ATP6V1H: variants seen among roughly 807,000 people sequenced by gnomAD.
ATP6V1H encodes the protein ATPase H+ transporting V1 subunit H.
A neutral mutation model predicts 71.7 loss-of-function variants in ATP6V1H; 39 were observed. The observed-to-expected ratio is 0.54, with a 90% CI of 0.42 to 0.71. The LOEUF is 0.71. ATP6V1H is among the 30% of genes least tolerant of loss of function. The pLI, the probability that ATP6V1H is intolerant of heterozygous loss-of-function variation, is 0.00. For missense variants in ATP6V1H, 509 were observed against 594.9 expected (o/e 0.86, Z 1.50); for synonymous variants, 192 against 199.3 (o/e 0.96, Z 0.31).
intron 12 of ATP6V1H, among the ~76,000 whole-genome samples, chr8:53,750,041 T>C (rs1807739008): frequency 1.3e-5 from 2 of 152,236 alleles, no homozygotes; most frequent in South Asian, 4.1e-4. Context: ...TAATGCTAAA[T>C]TGTGTTTGAT....
chr8:53,805,813 AAAG>A (rs1674958097), intron 7 of ATP6V1H, among the ~76,000 whole-genome samples: 2 of 152,352 alleles, frequency 1.3e-5, no homozygotes, highest in South Asian at 4.1e-4. Flanking sequence ...TTGCAATGAA[AAAG>A]AATTACTGCT....
intron 9 of ATP6V1H, among the ~76,000 whole-genome samples, chr8:53,794,737 A>G (rs942175388): frequency 3.9e-5 from 6 of 152,194 alleles, no homozygotes; most frequent in Admixed American, 2.6e-4. Context: ...CAGATTCTAC[A>G]GCCAACATTC....
At chr8:53,729,117 G>A (rs939234729) in intron 13 of ATP6V1H, among the ~76,000 whole-genome samples, 4 of 152,212 alleles carry the variant, frequency 2.6e-5, no homozygotes, top group African/African-American at 9.6e-5. Flanking sequence ...GGCCAGAGCA[G>A]CTGCCCTCCT....
chr8:53,726,171 C>T (rs373757932), intron 13 of ATP6V1H, among the ~76,000 whole-genome samples: 2 of 152,174 alleles, frequency 1.3e-5, no homozygotes, highest in African/African-American at 4.8e-5. Flanking sequence ...CAGTAAACTG[C>T]TGTATAGACA....
At chr8:53,813,961 T>C (rs544777505) in intron 6 of ATP6V1H, among the ~76,000 whole-genome samples, 93 of 152,140 alleles carry the variant, frequency 6.1e-4, no homozygotes, top group Admixed American at 2.0e-3. Context: ...CTGGACCAGG[T>C]AGCTCCAGGC....
At chr8:53,790,924 T>G (rs1162110718) in intron 9 of ATP6V1H, among the ~76,000 whole-genome samples, 7 of 152,222 alleles carry the variant, frequency 4.6e-5, no homozygotes, top group Non-Finnish European at 1.0e-4. Context: ...TATTTTTCTA[T>G]TGTATCTTTT....
intron 12 of ATP6V1H, among the ~76,000 whole-genome samples, chr8:53,750,626 T>C (rs1807758023): frequency 6.6e-6 from 1 of 152,176 alleles, no homozygotes; most frequent in African/African-American, 2.4e-5. Flanking sequence ...ATTTTTGTTA[T>C]AAAATGTTGT....
chr8:53,822,532 A>G (rs993132882), intron 4 of ATP6V1H, among the ~76,000 whole-genome samples: 137 of 152,328 alleles, frequency 9.0e-4, no homozygotes, highest in African/African-American at 3.0e-3. Flanking sequence ...GATAACCAAC[A>G]GAACAGACAG....
intron 4 of ATP6V1H, among the ~76,000 whole-genome samples, chr8:53,825,930 C>T (rs1459870685): frequency 6.6e-6 from 1 of 151,860 alleles, no homozygotes; most frequent in Non-Finnish European, 1.5e-5. Flanking sequence ...AATTGTTTTA[C>T]CCTGTGAAAA....
intron 4 of ATP6V1H, among the ~76,000 whole-genome samples, chr8:53,824,481 GAA>G (rs1238023441): frequency 1.3e-5 from 2 of 152,058 alleles, no homozygotes; most frequent in Non-Finnish European, 2.9e-5. Context: ...CTACATAACA[GAA>G]AAGAGAATTC....
intron 2 of ATP6V1H, among the ~76,000 whole-genome samples, chr8:53,840,428 G>A (rs1811307607): frequency 6.6e-6 from 1 of 151,910 alleles, no homozygotes; most frequent in African/African-American, 2.4e-5. Context: ...AACCCGGGAG[G>A]CGGAGGATGC....
intron 9 of ATP6V1H, among the ~76,000 whole-genome samples, chr8:53,790,596 G>A (rs1322347758): frequency 3.9e-5 from 6 of 152,182 alleles, no homozygotes; most frequent in African/African-American, 1.4e-4. Flanking sequence ...AGCACGGAGA[G>A]GCTAAGCAAC....
At chr8:53,723,821 C>T (rs2130092102) in intron 13 of ATP6V1H, among the ~76,000 whole-genome samples, 1 of 152,336 alleles carries the variant, frequency 6.6e-6, no homozygotes, top group African/African-American at 2.4e-5. Flanking sequence ...CTTGCTGCCT[C>T]ACCGTGGGAT....
In ATP6V1H at chr8:53,771,837, C is replaced by G. The variant is rs185484920; in HGVS notation, c.1049+152G>C. ...CAGTTCTGACCAATTGTTGCCATGTCAGAATGATGTCTTCTCAGGAGACAT... is the reference window on the plus strand; with the variant it reads ...CAGTTCTGACCAATTGTTGCCATGTGAGAATGATGTCTTCTCAGGAGACAT... On this transcript the variant is annotated intron_variant, in intron 10 of 13. Coordinates refer to ENST00000359530, the MANE Select transcript of ATP6V1H (RefSeq NM_015941.4). 1.8e-4 allele frequency: 117 copies of G among 650,114 alleles called. No homozygotes were observed. In the Middle Eastern group the frequency reaches 2.2e-3, roughly 12 times the overall value. 40.3% of individuals were successfully genotyped at this position (650,114 alleles called of 1,614,324 possible). A position where few individuals can be genotyped will look rare whatever the true frequency, so the allele number is the denominator to read the frequency against.
At chr8:53,837,448 T>G (rs920264471) in intron 2 of ATP6V1H, among the ~76,000 whole-genome samples, 3 of 150,832 alleles carry the variant, frequency 2.0e-5, no homozygotes, top group African/African-American at 7.3e-5. Context: ...CAAATAATCT[T>G]GAAAACACAC....
At position 53,772,034 on chromosome 8, in the gene ATP6V1H, A is replaced by G. The variant is rs750477369; in HGVS notation, c.1004T>C (p.Ile335Thr). ...TCCAAGTTTTTCCAAAAGAAATTTGATATCTTCGCTGATATCTTCATCATC... is the reference window on the plus strand; with the variant it reads ...TCCAAGTTTTTCCAAAAGAAATTTGGTATCTTCGCTGATATCTTCATCATC... ...KYDDEDISED[I>T]KFLLEKLGES... Residue 335 changes from isoleucine (I) to threonine (T), a missense_variant, in exon 10 of 14, where the codon ATC (isoleucine) becomes ACC (threonine). Physicochemically the swap from Ile to Thr is moderately conservative, Grantham distance 89. Coordinates refer to ENST00000359530, the MANE Select transcript of ATP6V1H (RefSeq NM_015941.4). The G allele has an allele frequency of 1.2e-4, 199 of 1,614,002 alleles. No individual in the cohort carries two copies. The highest frequency in any genetic ancestry group is 1.5e-4 in the Non-Finnish European group (182 of 1,180,008).
intron 4 of ATP6V1H, among the ~76,000 whole-genome samples, chr8:53,825,905 T>A (rs979993366): frequency 6.6e-6 from 1 of 151,860 alleles, no homozygotes; most frequent in African/African-American, 2.4e-5. Flanking sequence ...TTAGACTATA[T>A]AAAAAATAAA....
Position 53,801,872 on chromosome 8 carries a change from C to A in ATP6V1H, c.604G>T (p.Ala202Ser). 3 of 1,613,866 alleles carry A rather than the reference C, an allele frequency of 1.9e-6. No homozygotes were observed. Among genetic ancestry groups the A allele is most frequent in the Non-Finnish European group, 2.5e-6 (3 of 1,179,894 alleles). Residue 202 changes from alanine to serine, a missense_variant, in exon 8 of 14, where the codon GCC (alanine) becomes TCC (serine). Ala to Ser is a moderately conservative substitution (Grantham distance 99). This residue lies in a region of ATP6V1H where 297 missense variants were observed against 303.3 expected (regional missense o/e 0.98). Transcript: ENST00000359530. ...SDSSQYVQCV[A>S]GCLQLMLRVN... ...CGGAGCATCAGCTGCAAACACCCGGCCACGCACTGCACATACTGCGAACTC... is the reference window on the plus strand; with the variant it reads ...CGGAGCATCAGCTGCAAACACCCGGACACGCACTGCACATACTGCGAACTC...
At chr8:53,825,732 A>G (rs1269272746) in intron 4 of ATP6V1H, among the ~76,000 whole-genome samples, 3 of 152,188 alleles carry the variant, frequency 2.0e-5, no homozygotes, top group African/African-American at 7.2e-5. Context: ...CACATACCTT[A>G]CACTATAGAC....
Sources: allele counts gnomAD v4.1 joint callset (sites outside exome capture counted in the v4.1 genomes callset), GRCh38; gene constraint gnomAD v4.1.1; regional missense constraint gnomAD v4.1.1; transcripts MANE v1.5; gene names NCBI Gene and HGNC (gene_info 2026-07-23, HGNC 2026-07-21).